The following TTC39A variants were observed in gnomAD, a reference collection of about 807,000 sequenced individuals.
TTC39A encodes tetratricopeptide repeat domain 39A.
A neutral mutation model predicts 82.3 loss-of-function variants in TTC39A; 46 were observed. That is an observed-to-expected ratio of 0.56 (90% CI 0.44 to 0.71). The LOEUF (loss-of-function observed/expected upper bound fraction) is 0.71. TTC39A is among the 30% of genes least tolerant of loss of function. The pLI is 0.00. For missense variants in TTC39A, 543 were observed against 712.9 expected, an observed-to-expected ratio of 0.76 and a Z score of 2.71; for synonymous variants, 254 against 275.2, an observed-to-expected ratio of 0.92 and a Z score of 0.76.
At chr1:51,313,816 T>C (rs886446500) in intron 2 of TTC39A, among the ~76,000 whole-genome samples, 20 of 152,174 alleles carry the variant, frequency 1.3e-4, no homozygotes, top group African/African-American at 4.6e-4. Context: ...CTGAGAAACA[T>C]AGTGAGACAC....
Position 51,321,977 on chromosome 1 carries a change from C to G in TTC39A, c.42-152G>C. On this transcript the variant is annotated intron_variant, in intron 1 of 17. Transcript: ENST00000680483. The surrounding 1 kb of genome is among the most constrained non-coding windows in gnomAD (Gnocchi z 4.6). The stretch of plus-strand genomic sequence containing the variant: ...TCCAGGCTGCCACTCTGTACTGGGA[C>G]GCAGGGACAATTTGGACCCACCTCT... 1.5e-6 allele frequency: 2 copies of G among 1,353,966 alleles called. No individual in the cohort carries two copies. Among genetic ancestry groups the G allele is most frequent in the Non-Finnish European group, 2.0e-6 (2 of 985,602 alleles). 83.9% of individuals were successfully genotyped at this position (1,353,966 alleles called of 1,614,324 possible).
chr1:51,344,881 C>T, intron 1 of TTC39A: 1 of 1,364,906 alleles, frequency 7.3e-7, no homozygotes, highest in Non-Finnish European at 9.8e-7. Context: ...CAGCCACACA[C>T]CCTTTCCCCA....
In TTC39A at chr1:51,294,333, A is replaced by C; in HGVS notation, c.1266+58T>G. 2 of 1,607,732 alleles carry C rather than the reference A, an allele frequency of 1.2e-6. No homozygotes were observed. Among genetic ancestry groups the C allele is most frequent in the Middle Eastern group, 1.7e-4 (1 of 5,972 alleles). On this transcript the variant is annotated intron_variant, in intron 14 of 17. Transcript: ENST00000680483. This position sits in a 1 kb window ranked among gnomAD's most constrained non-coding sequence, Gnocchi z 4.3. ...CCACCTCCCCCTGGCTGTGGCTCTC[A>C]GTGAATCCCCACAATCCTATACCCG...
In TTC39A at chr1:51,288,722, C is replaced by T. The variant is rs1028313541; in HGVS notation, c.1610+117G>A. The T allele has an allele frequency of 1.6e-5, 15 of 917,718 alleles. No individual in the cohort carries two copies. The highest frequency in any genetic ancestry group is 2.2e-5 in the Non-Finnish European group (13 of 591,934). 56.8% of individuals were successfully genotyped at this position (917,718 alleles called of 1,614,324 possible). A position where few individuals can be genotyped will look rare whatever the true frequency, so the allele number is the denominator to read the frequency against. ...GGACACAGGTCCACCCTCTAGACTG[C>T]CAGACTGGCCTTGCTAGCAACTCCA... On this transcript the variant is annotated intron_variant, in intron 17 of 17. Transcript: ENST00000680483. This position sits in a 1 kb window ranked among gnomAD's most constrained non-coding sequence, Gnocchi z 4.8.
Position 51,294,485 on chromosome 1 carries a change from A to G in TTC39A, c.1172T>C (p.Ile391Thr). ...CTCTGTGGGTAGAGATTTCCCAGCA[A>G]TCTTGAGCTTCAGGCCTGGCACAGC... The part of the protein sequence containing the change: ...FRAVPGLKLK[I>T]AGKSLPTEKF... The change falls in exon 14 of 18, where the codon ATT (isoleucine) becomes ACT (threonine). Residue 391 changes from isoleucine to threonine, a missense_variant. By Grantham distance (89) the Ile-to-Thr change is moderately conservative (BLOSUM62 -1). Transcript: ENST00000680483. This position sits in a 1 kb window ranked among gnomAD's most constrained non-coding sequence, Gnocchi z 4.3. 1.2e-6 allele frequency: 2 copies of G among 1,613,976 alleles called. No individual in the cohort carries two copies. Among genetic ancestry groups the G allele is most frequent in the Admixed American group, 1.7e-5 (1 of 60,014 alleles).
At chr1:51,291,931 G>A (rs945817577) in intron 14 of TTC39A, among the ~76,000 whole-genome samples, 3 of 152,268 alleles carry the variant, frequency 2.0e-5, no homozygotes, top group East Asian at 1.9e-4. Context: ...AGTGGCTTAC[G>A]CCTGTAATTC....
chr1:51,326,281 G>A (rs947876661), intron 1 of TTC39A, among the ~76,000 whole-genome samples: 37 of 152,142 alleles, frequency 2.4e-4, no homozygotes, highest in Non-Finnish European at 2.9e-4. Context: ...GAAGGAGGAT[G>A]GCATCAAGGA....
rs1644084765 is a variant in TTC39A, at chr1:51,288,718, A to G, written c.1610+121T>C. On this transcript the variant is annotated intron_variant, in intron 17 of 17. Coordinates refer to ENST00000680483, the MANE Select transcript of TTC39A (RefSeq NM_001297663.2). This position sits in a 1 kb window ranked among gnomAD's most constrained non-coding sequence, Gnocchi z 4.8. Reference sequence around the variant, plus strand: ...CGAGGGACACAGGTCCACCCTCTAGACTGCCAGACTGGCCTTGCTAGCAAC... The same window carrying G: ...CGAGGGACACAGGTCCACCCTCTAGGCTGCCAGACTGGCCTTGCTAGCAAC... The G allele has an allele frequency of 1.2e-6, 1 of 860,858 alleles. No individual in the cohort carries two copies. Among genetic ancestry groups the G allele is most frequent in the Non-Finnish European group, 1.8e-6 (1 of 542,282 alleles). The allele number at this position is 860,858 out of a possible 1,614,324, so 53.3% of individuals were successfully genotyped here. A position where few individuals can be genotyped will look rare whatever the true frequency, so the allele number is the denominator to read the frequency against.
intron 9 of TTC39A, among the ~76,000 whole-genome samples, 191 bp from the exon 10 acceptor site, chr1:51,302,764 G>A (rs888970717): frequency 6.6e-5 from 10 of 152,156 alleles, no homozygotes; most frequent in African/African-American, 2.4e-4. Flanking sequence ...CACTTCACAG[G>A]GCTCGATAAC....
intron 5 of TTC39A, among the ~76,000 whole-genome samples, chr1:51,310,384 G>A (rs991890074): frequency 1.3e-5 from 2 of 152,168 alleles, no homozygotes; most frequent in African/African-American, 4.8e-5. Context: ...CGGGTGTGGT[G>A]TTGGTGGGTG....
upstream of TTC39A, among the ~76,000 whole-genome samples, chr1:51,332,630 G>T (rs934887438): frequency 2.6e-5 from 4 of 152,244 alleles, no homozygotes; most frequent in African/African-American, 9.6e-5. Context: ...TGTTGTTACA[G>T]CGGACACAGG....
At chr1:51,338,808 G>A (rs1460250127) in intron 1 of TTC39A, among the ~76,000 whole-genome samples, 15 of 151,932 alleles carry the variant, frequency 9.9e-5, no homozygotes, top group Non-Finnish European at 1.9e-4. Flanking sequence ...TCACCATGTT[G>A]TCCAGGCTGG....
At chr1:51,297,217 C>CT (rs560853133) in intron 12 of TTC39A, 1,757 of 145,442 alleles carry the variant, frequency 0.012, 25 homozygotes, top group African/African-American at 0.037. Flanking sequence ...CCGGTCCCAT[C>CT]TTTTTTTTTT....
rs751531034 is a variant in TTC39A at position 51,305,120 on chromosome 1, G to A, written c.615C>T (p.Ile205=). Residue 205 remains isoleucine (I), a synonymous_variant, in exon 8 of 18, where the codon ATC becomes ATT. Transcript: ENST00000680483. ...NLTLSMLPTR[I]LRLLEFVGFS... ...ACCCCACAAACTCCAACAGCCTCAG[G>A]ATCCTAGTAGGAAGCATGGACAGTG... 1.2e-6 allele frequency: 2 copies of A among 1,613,614 alleles called. No homozygotes were observed. The highest frequency in any genetic ancestry group is 2.2e-5 in the South Asian group (2 of 91,052).
At chr1:51,303,962 T>G (rs1435651433) in intron 8 of TTC39A, among the ~76,000 whole-genome samples, 2 of 151,986 alleles carry the variant, frequency 1.3e-5, no homozygotes, top group East Asian at 4.0e-4. Flanking sequence ...GGGCAGCAGA[T>G]AGCAGCTAAG....
At chr1:51,320,627 ATTT>A (rs1016490526) in intron 2 of TTC39A, among the ~76,000 whole-genome samples, 4 of 147,694 alleles carry the variant, frequency 2.7e-5, no homozygotes, top group East Asian at 2.0e-4. Context: ...AATTTTTTGT[ATTT>A]TTTTTTGTAG....
rs1164735728 is a variant in TTC39A, at chr1:51,312,922, G to A, written c.168C>T (p.His56=). ...CCAGGATGGTGGCATATGTCAGTGA[G>A]TGGTACATGCTTTCCTTGGTTCTGC... ...LKPRTKESMY[H]SLTYATILEM... is the part of the protein sequence containing the mutation. The change falls in exon 3 of 18, where the codon CAC becomes CAT. Residue 56 remains histidine (H), a synonymous_variant. Coordinates refer to ENST00000680483, the MANE Select transcript of TTC39A (RefSeq NM_001297663.2). 1.2e-6 allele frequency: 2 copies of A among 1,613,828 alleles called. No individual in the cohort carries two copies. The highest frequency in any genetic ancestry group is 1.7e-6 in the Non-Finnish European group (2 of 1,179,770).
At chr1:51,337,882 T>G (rs1645994021) in intron 1 of TTC39A, among the ~76,000 whole-genome samples, 1 of 152,098 alleles carries the variant, frequency 6.6e-6, no homozygotes, top group Non-Finnish European at 1.5e-5. Flanking sequence ...AGGTAGGGCT[T>G]TTGTTTGTTT....
At chr1:51,302,637 G>A in intron 9 of TTC39A, 64 bp from the exon 10 acceptor site, 1 of 1,540,360 alleles carries the variant, frequency 6.5e-7, no homozygotes, top group Non-Finnish European at 8.8e-7. Flanking sequence ...GATCCTGCCA[G>A]CAACCCAGCA....
Sources: allele counts gnomAD v4.1 joint callset (sites outside exome capture counted in the v4.1 genomes callset), GRCh38; gene constraint gnomAD v4.1.1; non-coding constraint Gnocchi (gnomAD v3.1); transcripts MANE v1.5; gene names NCBI Gene and HGNC (gene_info 2026-07-23, HGNC 2026-07-21).